GRAMD1C: variants seen among roughly 807,000 people sequenced by gnomAD.
GRAMD1C encodes the protein GRAM domain containing 1C.
Under a neutral mutation model 97.8 loss-of-function variants are expected in GRAMD1C, and 89 were observed. The ratio of observed to expected loss-of-function variants is 0.91; its 90% CI spans 0.77 to 1.09. The LOEUF is 1.09. Among genes scored for constraint, GRAMD1C ranks in the 50% least tolerant of loss-of-function variants. The pLI, the probability that GRAMD1C is intolerant of heterozygous loss-of-function variation, is 0.00. For synonymous variants in GRAMD1C, 256 were observed against 267.0 expected (o/e 0.96, Z 0.40); for missense variants, 740 against 766.4 (o/e 0.97, Z 0.41).
chr3:113,849,541 C>G (rs1226815645), intron 2 of GRAMD1C, among the ~76,000 whole-genome samples: 1 of 151,820 alleles, frequency 6.6e-6, no homozygotes, highest in African/African-American at 2.4e-5. Context: ...CAAAGCACAT[C>G]TTGCACCGCC....
rs1937685811 is a variant in GRAMD1C at position 113,939,905 on chromosome 3, T to C, written c.1711T>C (p.Leu571=). The C allele has an allele frequency of 6.3e-7, 1 of 1,599,706 alleles. No homozygotes were observed. Among genetic ancestry groups the C allele is most frequent in the African/African-American group, 1.3e-5 (1 of 74,610 alleles). The change falls in exon 16 of 18, where the codon TTG becomes CTG. Residue 571 remains leucine, a synonymous_variant. Transcript: ENST00000358160. ...MSIFVLLLVL[L]NVTLFLKLSK... is the part of the protein sequence containing the mutation. ...GCCTAGTGTGTTGTTATTAGTTTTGTTGAATGTGACACTGTTTCTGAAGCT... is the reference window on the plus strand; with the variant it reads ...GCCTAGTGTGTTGTTATTAGTTTTGCTGAATGTGACACTGTTTCTGAAGCT...
upstream of GRAMD1C, among the ~76,000 whole-genome samples, chr3:113,834,753 G>A (rs988239078): frequency 5.3e-5 from 8 of 149,644 alleles, no homozygotes; most frequent in South Asian, 1.7e-3. Flanking sequence ...GATCAGCATG[G>A]TGAAACTCTG....
chr3:113,867,001 T>C (rs1165921081), intron 2 of GRAMD1C, among the ~76,000 whole-genome samples: 2 of 152,110 alleles, frequency 1.3e-5, no homozygotes, highest in Non-Finnish European at 2.9e-5. Context: ...GCTAATTTTT[T>C]TGTATTTTTA....
chr3:113,940,367 A>G, intron 17 of GRAMD1C, 22 bp downstream of exon 17: 2 of 1,131,076 alleles, frequency 1.8e-6, no homozygotes, highest in Non-Finnish European at 1.4e-6. Context: ...GATACATCAC[A>G]GTACTTAGTA....
rs1244703005 is a variant in GRAMD1C at position 113,913,143 on chromosome 3, C to G, written c.953-2558C>G. ...AGGACTTTAGGAAGATCTACTCTGG[C>G]CCCCAGTGGCCAAATAGGTAAGTAG... On this transcript the variant is annotated intron_variant, in intron 9 of 17. Transcript: ENST00000358160. 6.4e-6 allele frequency: 8 copies of G among 1,256,576 alleles called. No homozygotes were observed. The South Asian group carries it at 1.0e-4, about 16-fold the overall frequency. 77.8% of individuals were successfully genotyped at this position (1,256,576 alleles called of 1,614,324 possible). A position where few individuals can be genotyped will look rare whatever the true frequency, so the allele number is the denominator to read the frequency against.
chr3:113,865,672 T>C (rs1934556548), intron 2 of GRAMD1C, among the ~76,000 whole-genome samples: 1 of 152,218 alleles, frequency 6.6e-6, no homozygotes, highest in Non-Finnish European at 1.5e-5. Flanking sequence ...AAATATTGCA[T>C]CTACCTCATT....
At chr3:113,847,723 C>G (rs994415651) in intron 2 of GRAMD1C, among the ~76,000 whole-genome samples, 3 of 152,154 alleles carry the variant, frequency 2.0e-5, no homozygotes, top group African/African-American at 4.8e-5. Flanking sequence ...TAGCACATGC[C>G]TGTAGTCCCA....
chr3:113,888,224 A>G (rs1190494168), intron 6 of GRAMD1C, among the ~76,000 whole-genome samples: 2 of 152,244 alleles, frequency 1.3e-5, no homozygotes, highest in Non-Finnish European at 2.9e-5. Flanking sequence ...AATCCTCAAC[A>G]AAATATTAGC....
intron 1 of GRAMD1C, among the ~76,000 whole-genome samples, chr3:113,829,756 G>T (rs1232975921): frequency 1.3e-5 from 2 of 151,992 alleles, no homozygotes; most frequent in Non-Finnish European, 2.9e-5. Flanking sequence ...CTTAACAACT[G>T]GGATATGTTC....
chr3:113,838,610 C>G, upstream of GRAMD1C: 1 of 339,792 alleles, frequency 2.9e-6, no homozygotes, highest in Non-Finnish European at 5.3e-6. Context: ...AGCAATTCAC[C>G]TTTTCGCACA....
intron 6 of GRAMD1C, among the ~76,000 whole-genome samples, chr3:113,893,621 G>T (rs1347711295): frequency 6.6e-6 from 1 of 152,126 alleles, no homozygotes; most frequent in Non-Finnish European, 1.5e-5. Context: ...ACTGTTGTAT[G>T]TCCACTGACA....
chr3:113,924,832 T>G (rs1937180928), intron 10 of GRAMD1C, among the ~76,000 whole-genome samples: 1 of 152,198 alleles, frequency 6.6e-6, no homozygotes, highest in South Asian at 2.1e-4. Flanking sequence ...TTGTTAGTTT[T>G]TTGACTCAGT....
intron 6 of GRAMD1C, among the ~76,000 whole-genome samples, chr3:113,896,100 G>C (rs368329494): frequency 4.3e-4 from 66 of 152,196 alleles, no homozygotes; most frequent in East Asian, 1.2e-3. Context: ...CTTCCCCACT[G>C]TATCTCCTCT....
At chr3:113,936,210 A>G in intron 13 of GRAMD1C, 56 bp from the exon 14 acceptor site, 1 of 999,006 alleles carries the variant, frequency 1.0e-6, no homozygotes, top group Non-Finnish European at 1.5e-6. Context: ...AACCCATTGT[A>G]TCTTATAGTT....
chr3:113,896,024 C>T (rs566082324), intron 6 of GRAMD1C, among the ~76,000 whole-genome samples: 2 of 152,196 alleles, frequency 1.3e-5, no homozygotes, highest in South Asian at 2.1e-4. Context: ...TTTGATATTT[C>T]GACAATGTAA....
At chr3:113,909,582 C>T (rs1436437811) in intron 9 of GRAMD1C, among the ~76,000 whole-genome samples, 1 of 152,180 alleles carries the variant, frequency 6.6e-6, no homozygotes, top group African/African-American at 2.4e-5. Context: ...TTTTACTTTA[C>T]TTCAATACTG....
intron 7 of GRAMD1C, among the ~76,000 whole-genome samples, chr3:113,901,990 T>G (rs1312721733): frequency 6.6e-6 from 1 of 152,084 alleles, no homozygotes; most frequent in South Asian, 2.1e-4. Flanking sequence ...TGACTGCAAG[T>G]GACTGCAAAG....
chr3:113,863,866 G>A (rs901050635), intron 2 of GRAMD1C, among the ~76,000 whole-genome samples: 1 of 152,062 alleles, frequency 6.6e-6, no homozygotes, highest in African/African-American at 2.4e-5. Context: ...TCTAGTGGAG[G>A]CTCTCTGCAC....
intron 6 of GRAMD1C, 76 bp from the exon 7 acceptor site, chr3:113,900,955 A>C: frequency 1.2e-6 from 1 of 806,128 alleles, no homozygotes; most frequent in Non-Finnish European, 2.1e-6. Flanking sequence ...TTTGACTTCA[A>C]AACTCATGTT....
Sources: allele counts gnomAD v4.1 joint callset (sites outside exome capture counted in the v4.1 genomes callset), GRCh38; gene constraint gnomAD v4.1.1; transcripts MANE v1.5; gene names NCBI Gene and HGNC (gene_info 2026-07-23, HGNC 2026-07-21).